DNAH12: variants seen among roughly 807,000 people sequenced by gnomAD.
The protein encoded by DNAH12 is dynein axonemal heavy chain 12.
In DNAH12, 285 loss-of-function variants were observed where a neutral mutation model predicts 371.5. That is an observed-to-expected ratio of 0.77 (90% CI 0.70 to 0.85). DNAH12 has a LOEUF of 0.85. Ranked by LOEUF, DNAH12 falls within the 40% of genes least tolerant of loss-of-function variation. DNAH12 has a pLI of 0.00. For synonymous variants in DNAH12, 1,200 were observed against 1,213.0 expected (o/e 0.99, Z 0.22); for missense variants, 3,611 against 3,689.4 (o/e 0.98, Z 0.55).
At chr3:57,499,503 C>A (rs533759900) in intron 11 of DNAH12, among the ~76,000 whole-genome samples, 5 of 149,472 alleles carry the variant, frequency 3.3e-5, no homozygotes, top group African/African-American at 1.2e-4. Context: ...CCTTCAATTT[C>A]TCTGTACAGG....
At chr3:57,494,130 G>A (rs542667737) in intron 11 of DNAH12, among the ~76,000 whole-genome samples, 3 of 152,194 alleles carry the variant, frequency 2.0e-5, no homozygotes, top group Non-Finnish European at 2.9e-5. Flanking sequence ...CTACTTGAGA[G>A]GCTGAGGTGG....
chr3:57,433,877 A>C, intron 30 of DNAH12, 49 bp from the exon 31 acceptor site: 1 of 1,393,794 alleles, frequency 7.2e-7, no homozygotes, highest in East Asian at 2.6e-5. Flanking sequence ...TAAAGAGTTA[A>C]ATAATTTATA....
At chr3:57,300,466 GCTC>G (rs951949535) in intron 70 of DNAH12, among the ~76,000 whole-genome samples, 42 of 152,022 alleles carry the variant, frequency 2.8e-4, no homozygotes, top group Admixed American at 2.6e-4. Context: ...TACATGAAAA[GCTC>G]CTATCAATTA....
At chr3:57,366,006 G>A (rs1040139138) in intron 57 of DNAH12, among the ~76,000 whole-genome samples, 4 of 152,092 alleles carry the variant, frequency 2.6e-5, no homozygotes, top group Admixed American at 1.3e-4. Context: ...TGAGCAGGGG[G>A]TGGGTAAAAT....
intron 34 of DNAH12, among the ~76,000 whole-genome samples, chr3:57,425,396 CA>C (rs2064734731): frequency 6.7e-6 from 1 of 149,014 alleles, no homozygotes; most frequent in Admixed American, 6.7e-5. Flanking sequence ...TATAGGTGAG[CA>C]CCACCAGGCT....
At chr3:57,543,680 T>C (rs142911405) in intron 1 of DNAH12, among the ~76,000 whole-genome samples, 4 of 150,538 alleles carry the variant, frequency 2.7e-5, no homozygotes, top group Non-Finnish European at 4.4e-5. Flanking sequence ...TCCAAGAAAG[T>C]GATGCTATGA....
chr3:57,438,553 C>T (rs577152046), intron 29 of DNAH12, among the ~76,000 whole-genome samples: 93 of 152,200 alleles, frequency 6.1e-4, no homozygotes, highest in African/African-American at 2.1e-3. Flanking sequence ...CCAAAAGGCT[C>T]CTGAAACTGA....
At chr3:57,522,255 A>G (rs1008177199) in intron 4 of DNAH12, among the ~76,000 whole-genome samples, 1 of 152,110 alleles carries the variant, frequency 6.6e-6, no homozygotes, top group Non-Finnish European at 1.5e-5. Context: ...AAAAGAAAAA[A>G]TATCCTTTGA....
intron 2 of DNAH12, among the ~76,000 whole-genome samples, chr3:57,535,282 G>C (rs958981604): frequency 6.6e-6 from 1 of 152,180 alleles, no homozygotes; most frequent in Non-Finnish European, 1.5e-5. Flanking sequence ...CCTCATGAAT[G>C]AATTAATGGG....
chr3:57,307,578 T>C (rs1285851967), intron 69 of DNAH12, among the ~76,000 whole-genome samples: 5 of 152,058 alleles, frequency 3.3e-5, no homozygotes, highest in Non-Finnish European at 7.4e-5. Context: ...CAAACTATGC[T>C]CAACTCACTC....
chr3:57,388,052 C>G (rs891586529), intron 45 of DNAH12, among the ~76,000 whole-genome samples: 21 of 152,094 alleles, frequency 1.4e-4, no homozygotes, highest in African/African-American at 4.8e-4. Context: ...AAATTTTCTT[C>G]CCTACAAATT....
intron 4 of DNAH12, among the ~76,000 whole-genome samples, chr3:57,514,495 TA>T (rs982552810): frequency 7.2e-5 from 11 of 151,996 alleles, no homozygotes; most frequent in African/African-American, 2.7e-4. Context: ...GTTCATTTTT[TA>T]AAAAAATTAA....
chr3:57,480,558 C>A (rs77008934), intron 13 of DNAH12, among the ~76,000 whole-genome samples: 98,867 of 148,826 alleles, frequency 0.66, 33,105 homozygotes, highest in South Asian at 0.75. Flanking sequence ...GGAATCCTCC[C>A]TAACTCATTT....
chr3:57,364,756 T>G (rs1317824006), intron 57 of DNAH12, among the ~76,000 whole-genome samples: 1 of 152,074 alleles, frequency 6.6e-6, no homozygotes, highest in Non-Finnish European at 1.5e-5. Flanking sequence ...ACAAAGAACT[T>G]AAACAAATTT....
intron 62 of DNAH12, among the ~76,000 whole-genome samples, chr3:57,325,207 T>G (rs2061910464): frequency 6.6e-6 from 1 of 152,192 alleles, no homozygotes; most frequent in Non-Finnish European, 1.5e-5. Context: ...CTGACAGCTT[T>G]GAAGAGAGCA....
At chr3:57,486,110 C>T (rs1011358432) in intron 12 of DNAH12, among the ~76,000 whole-genome samples, 31 of 150,904 alleles carry the variant, frequency 2.1e-4, no homozygotes, top group Non-Finnish European at 8.8e-5. Flanking sequence ...CCCCAGCTAC[C>T]TGGGGGGCTG....
chr3:57,424,560 G>A (rs576076338), intron 35 of DNAH12, among the ~76,000 whole-genome samples: 74 of 151,452 alleles, frequency 4.9e-4, no homozygotes, highest in Non-Finnish European at 8.4e-4. Context: ...GGTGGATCAC[G>A]AGGTCAGGAG....
chr3:57,422,630 C>A (rs1034530112), intron 35 of DNAH12, among the ~76,000 whole-genome samples: 2 of 152,028 alleles, frequency 1.3e-5, no homozygotes, highest in African/African-American at 4.8e-5. Flanking sequence ...TAGTAAGACC[C>A]CATCTCTACA....
intron 57 of DNAH12, among the ~76,000 whole-genome samples, chr3:57,365,498 A>T (rs2063031247): frequency 1.3e-5 from 2 of 152,126 alleles, no homozygotes; most frequent in African/African-American, 2.4e-5. Context: ...AAAATAGCTA[A>T]TGCATGCTGG....
Sources: gnomAD v4.1 joint callset for allele counts (sites outside exome capture counted in the v4.1 genomes callset) on GRCh38, gnomAD v4.1.1 for gene constraint, MANE v1.5 for transcripts, NCBI Gene and HGNC (gene_info 2026-07-23, HGNC 2026-07-21) for gene names.